Variants in CDH8 observed in about 807,000 individuals in gnomAD.
CDH8 encodes cadherin 8, also known as cadherin-8.
In CDH8, 17 loss-of-function variants were observed where a neutral mutation model predicts 68.1. That is an observed-to-expected ratio of 0.25 (90% CI 0.17 to 0.37). The LOEUF is 0.37. Ranked by LOEUF, CDH8 falls within the 10% of genes least tolerant of loss-of-function variation. CDH8 has a pLI of 1.00. For missense variants in CDH8, 763 were observed against 999.3 expected (o/e 0.76, Z 3.19); for synonymous variants, 372 against 365.1 (o/e 1.02, Z -0.21).
intron 8 of CDH8, among the ~76,000 whole-genome samples, chr16:61,767,465 T>C (rs1446842536): frequency 1.3e-5 from 2 of 151,932 alleles, no homozygotes; most frequent in African/African-American, 2.4e-5. Flanking sequence ...GACCATTTTA[T>C]ATAGTTGTTT....
intron 8 of CDH8, among the ~76,000 whole-genome samples, chr16:61,776,796 T>C (rs1380336138): frequency 6.6e-6 from 1 of 152,086 alleles, no homozygotes; most frequent in East Asian, 1.9e-4. Flanking sequence ...AGCTCTTAAA[T>C]ATATTTATTC....
chr16:61,732,214 A>G (rs1596910766), intron 8 of CDH8, among the ~76,000 whole-genome samples: 1 of 151,860 alleles, frequency 6.6e-6, no homozygotes, highest in Non-Finnish European at 1.5e-5. Context: ...ATTCCTGTAA[A>G]CTTCCCAAAT....
At chr16:61,670,544 T>A (rs4784147) in intron 10 of CDH8, among the ~76,000 whole-genome samples, 19,095 of 151,960 alleles carry the variant, frequency 0.13, 1,237 homozygotes, top group African/African-American at 0.15. Flanking sequence ...ATTTTAAAAA[T>A]TTTAAAAATT....
At chr16:61,801,596 C>A (rs571216926) in intron 7 of CDH8, among the ~76,000 whole-genome samples, 10 of 152,232 alleles carry the variant, frequency 6.6e-5, no homozygotes, top group African/African-American at 1.9e-4. Flanking sequence ...TGGGCGCAGG[C>A]CAGTGGGTGC....
chr16:61,864,360 C>A (rs1018509486), intron 3 of CDH8, among the ~76,000 whole-genome samples: 7 of 151,908 alleles, frequency 4.6e-5, no homozygotes, highest in Admixed American at 6.6e-5. Context: ...AAAGTCTCCA[C>A]CCCCTCCCCA....
intron 2 of CDH8, among the ~76,000 whole-genome samples, chr16:62,003,850 AAAGT>A (rs1221634329): frequency 5.8e-4 from 89 of 152,314 alleles, no homozygotes; most frequent in Non-Finnish European, 2.4e-4. Context: ...TAAATATTGA[AAAGT>A]AAGTACCAAT....
chr16:61,934,893 T>C (rs964422062), intron 2 of CDH8, among the ~76,000 whole-genome samples: 2 of 152,196 alleles, frequency 1.3e-5, no homozygotes, highest in Non-Finnish European at 2.9e-5. Context: ...TAATTACAAC[T>C]GCAGGACATG....
chr16:61,890,738 T>C (rs1325316684), intron 3 of CDH8, among the ~76,000 whole-genome samples: 1 of 152,166 alleles, frequency 6.6e-6, no homozygotes, highest in Non-Finnish European at 1.5e-5. Flanking sequence ...AGTGATGTTT[T>C]TCATCACATT....
At chr16:61,791,278 C>T (rs1180292624) in intron 7 of CDH8, among the ~76,000 whole-genome samples, 2 of 151,870 alleles carry the variant, frequency 1.3e-5, no homozygotes, top group African/African-American at 2.4e-5. Context: ...TTGCTCTCAA[C>T]AAAATCCTGA....
At chr16:62,026,121 C>G (rs966524229) in intron 1 of CDH8, among the ~76,000 whole-genome samples, 5 of 152,078 alleles carry the variant, frequency 3.3e-5, no homozygotes, top group African/African-American at 1.2e-4. Flanking sequence ...TCTGATTTTC[C>G]TGGTATAAAT....
chr16:61,709,951 T>C (rs1964602100), intron 10 of CDH8, among the ~76,000 whole-genome samples: 1 of 152,148 alleles, frequency 6.6e-6, no homozygotes, highest in African/African-American at 2.4e-5. Context: ...CAACTACTGA[T>C]GAAGCCACGT....
chr16:61,938,394 C>T (rs554424215), intron 2 of CDH8, among the ~76,000 whole-genome samples: 234 of 152,104 alleles, frequency 1.5e-3, no homozygotes, highest in African/African-American at 5.3e-3. Flanking sequence ...AATGAGAAGC[C>T]CCACCATCCT....
intron 2 of CDH8, among the ~76,000 whole-genome samples, chr16:62,017,602 G>A (rs1901972016): frequency 6.6e-6 from 1 of 152,182 alleles, no homozygotes; most frequent in African/African-American, 2.4e-5. Context: ...TTGTGCCTGG[G>A]AGATCGAGGC....
At chr16:61,947,506 C>G (rs1964819865) in intron 2 of CDH8, among the ~76,000 whole-genome samples, 1 of 152,144 alleles carries the variant, frequency 6.6e-6, no homozygotes. Context: ...AGTTCTCATT[C>G]TAGGTTGAAT....
intron 2 of CDH8, among the ~76,000 whole-genome samples, chr16:61,937,157 A>G (rs1427054894): frequency 6.6e-6 from 1 of 152,210 alleles, no homozygotes; most frequent in African/African-American, 2.4e-5. Flanking sequence ...GCAGCACTCA[A>G]GTGTAGTTAG....
At chr16:61,734,208 T>A (rs1201159067) in intron 8 of CDH8, among the ~76,000 whole-genome samples, 2 of 152,102 alleles carry the variant, frequency 1.3e-5, no homozygotes, top group Non-Finnish European at 2.9e-5. Context: ...CAGAGAGAGC[T>A]TAACTAGGTT....
rs745496735 is a variant in CDH8, at chr16:62,036,062, G to A, written c.-200+18C>T. On this transcript the variant is annotated intron_variant, in intron 1 of 11. Coordinates refer to ENST00000577390, the MANE Select transcript of CDH8 (RefSeq NM_001796.5). ...CGGAACATAGAGGAAAACGGGGGTG[G>A]GTTAGGGGAACACTTACTCTTGTGG... is the stretch of plus-strand genomic sequence containing the variant. 1 of 152,268 alleles carries A rather than the reference G, an allele frequency of 6.6e-6. No individual in the cohort carries two copies. The highest frequency in any genetic ancestry group is 2.4e-5 in the African/African-American group (1 of 41,456). The allele number at this position is 152,268 out of a possible 1,614,324, so 9.4% of individuals were successfully genotyped here. A position where few individuals can be genotyped will look rare whatever the true frequency, so the allele number is the denominator to read the frequency against.
At chr16:61,995,613 G>A (rs1309414136) in intron 2 of CDH8, among the ~76,000 whole-genome samples, 4 of 152,160 alleles carry the variant, frequency 2.6e-5, no homozygotes, top group African/African-American at 4.8e-5. Context: ...TCCTAATCTT[G>A]TGATCTGCCT....
chr16:61,684,036 G>C (rs1462255552), intron 10 of CDH8, among the ~76,000 whole-genome samples: 1 of 151,956 alleles, frequency 6.6e-6, no homozygotes, highest in Non-Finnish European at 1.5e-5. Context: ...ATATTTGCTC[G>C]CCATTGCACC....
Sources: allele counts gnomAD v4.1 joint callset (sites outside exome capture counted in the v4.1 genomes callset), GRCh38; gene constraint gnomAD v4.1.1; transcripts MANE v1.5; gene names NCBI Gene and HGNC (gene_info 2026-07-23, HGNC 2026-07-21).